The following MYO5B variants were observed in gnomAD, a reference collection of about 807,000 sequenced individuals.
The protein encoded by MYO5B is myosin VB, also known as unconventional myosin-Vb.
Under a neutral mutation model 229.3 loss-of-function variants are expected in MYO5B, and 143 were observed. The observed-to-expected ratio is 0.62, with a 90% CI of 0.54 to 0.72. MYO5B has a LOEUF of 0.72. Among genes scored for constraint, MYO5B ranks in the 30% least tolerant of loss-of-function variants. The pLI is 0.00. For synonymous variants in MYO5B, 918 were observed against 885.2 expected, an observed-to-expected ratio of 1.04 and a Z score of -0.66; for missense variants, 2,321 against 2,331.0, an observed-to-expected ratio of 1.00 and a Z score of 0.09.
At chr18:50,022,322 G>C (rs527390106) in intron 4 of MYO5B, among the ~76,000 whole-genome samples, 1 of 152,244 alleles carries the variant, frequency 6.6e-6, no homozygotes, top group South Asian at 2.1e-4. Context: ...TGTTCTAATG[G>C]CAATTAAATA....
At chr18:50,070,419 T>C (rs1360938480) in intron 1 of MYO5B, among the ~76,000 whole-genome samples, 1 of 152,004 alleles carries the variant, frequency 6.6e-6, no homozygotes, top group Non-Finnish European at 1.5e-5. Context: ...TCATCTGGGG[T>C]GGGGGACAAA....
At chr18:49,992,688 C>A (rs1320771606) in intron 5 of MYO5B, among the ~76,000 whole-genome samples, 1 of 152,186 alleles carries the variant, frequency 6.6e-6, no homozygotes, top group African/African-American at 2.4e-5. Context: ...TACCCAGGTG[C>A]AATGGAAGGT....
chr18:49,954,475 G>A (rs574287791), intron 12 of MYO5B, 40 bp from the exon 13 acceptor site: 5 of 1,613,146 alleles, frequency 3.1e-6, no homozygotes, highest in Admixed American at 3.3e-5. Context: ...TTTGTGAAGA[G>A]GAAGAAGGAA....
chr18:49,863,957 CCAGGG>C (rs2024362827), intron 28 of MYO5B, among the ~76,000 whole-genome samples, 179 bp downstream of exon 28: 1 of 152,168 alleles, frequency 6.6e-6, no homozygotes, highest in African/African-American at 2.4e-5. Flanking sequence ...GCTGCATCCC[CCAGGG>C]AAGGTCATGC....
chr18:50,155,876 T>G (rs2032670754), intron 1 of MYO5B, among the ~76,000 whole-genome samples: 1 of 152,184 alleles, frequency 6.6e-6, no homozygotes, highest in Non-Finnish European at 1.5e-5. Context: ...CAACATAAGT[T>G]TGGTTTTCAA....
chr18:50,152,864 TAAAA>T (rs67858852), intron 1 of MYO5B, among the ~76,000 whole-genome samples: 65 of 125,430 alleles, frequency 5.2e-4, no homozygotes, highest in Non-Finnish European at 8.1e-4. Context: ...TTCTCAAAAC[TAAAA>T]AAAAAAAAAA....
intron 39 of MYO5B, among the ~76,000 whole-genome samples, chr18:49,831,905 T>C (rs1367383603): frequency 2.0e-5 from 3 of 152,168 alleles, no homozygotes; most frequent in Non-Finnish European, 4.4e-5. Context: ...GGAATATTAG[T>C]CACTAAAAAA....
At chr18:49,881,579 G>T (rs1050727189) in intron 22 of MYO5B, among the ~76,000 whole-genome samples, 36 of 152,156 alleles carry the variant, frequency 2.4e-4, no homozygotes, top group South Asian at 4.2e-4. Flanking sequence ...GAGGCAGGCA[G>T]ATCATGAGGT....
At chr18:49,930,463 A>T (rs2025177247) in intron 16 of MYO5B, among the ~76,000 whole-genome samples, 1 of 152,232 alleles carries the variant, frequency 6.6e-6, no homozygotes, top group Non-Finnish European at 1.5e-5. Context: ...ATAAAAAGCC[A>T]GATGCTGTGT....
chr18:49,914,843 CT>C (rs1223274625), intron 17 of MYO5B, among the ~76,000 whole-genome samples: 2 of 151,462 alleles, frequency 1.3e-5, no homozygotes, highest in East Asian at 3.9e-4. Flanking sequence ...TCACATACAG[CT>C]TTGGATTCAG....
Position 49,863,304 on chromosome 18 carries a change from T to G in MYO5B, c.3867A>C (p.Ser1289=). ...RNAEPNINAR[S]SWPNSEKHVD... ...CATGCTTTTCACTGTTAGGCCAACT[T>G]GATCTGGCATTAATGTTCGGCTCCT... The change falls in exon 29 of 40, where the codon TCA becomes TCC. Residue 1289 remains serine, a synonymous_variant. Transcript: ENST00000285039. The G allele has an allele frequency of 6.2e-7, 1 of 1,613,818 alleles. No individual in the cohort carries two copies.
chr18:49,834,645 CT>C (rs573183100), intron 39 of MYO5B, among the ~76,000 whole-genome samples: 13 of 149,524 alleles, frequency 8.7e-5, no homozygotes, highest in African/African-American at 2.2e-4. Flanking sequence ...CAAATATTGT[CT>C]TTTTTTTTTG....
Position 49,990,487 on chromosome 18 carries a change from G to C in MYO5B, c.790C>G (p.Gln264Glu), listed in dbSNP as rs1372326879. 1 of 1,613,910 alleles carries C rather than the reference G, an allele frequency of 6.2e-7. No individual in the cohort carries two copies. The highest frequency in any genetic ancestry group is 1.3e-5 in the African/African-American group (1 of 75,048). ...DDERNYHIFY[Q>E]LCAAAGLPEF... is the part of the protein sequence containing the mutation. ...GGAAGACCGGCAGCAGCACAGAGCT[G>C]GTAAAAGATGTGGTAATTCCTCTCA... The change falls in exon 7 of 40, where the codon CAG becomes GAG. Residue 264 changes from glutamine (Q) to glutamate (E), a missense_variant. This residue lies in a region of MYO5B where 2,113 missense variants were observed against 2,044.7 expected (regional missense o/e 1.03). Coordinates refer to ENST00000285039, the MANE Select transcript of MYO5B (RefSeq NM_001080467.3).
chr18:49,999,445 T>C (rs111629311), intron 5 of MYO5B, among the ~76,000 whole-genome samples: 12 of 152,372 alleles, frequency 7.9e-5, no homozygotes, highest in African/African-American at 2.4e-4. Flanking sequence ...GGAGTAAATA[T>C]GCTACCAATG....
intron 27 of MYO5B, among the ~76,000 whole-genome samples, chr18:49,870,134 T>C (rs1440880318): frequency 6.6e-6 from 1 of 152,188 alleles, no homozygotes; most frequent in Non-Finnish European, 1.5e-5. Context: ...AAAGTAAGTC[T>C]AATCAATAAC....
chr18:50,060,315 T>A (rs938335146), intron 1 of MYO5B, among the ~76,000 whole-genome samples: 1 of 152,202 alleles, frequency 6.6e-6, no homozygotes, highest in Non-Finnish European at 1.5e-5. Context: ...AGGCCATTAT[T>A]TTATGAGCCA....
At chr18:50,040,341 A>T (rs1208435932) in intron 2 of MYO5B, 27 bp from the exon 3 acceptor site, 1 of 1,610,164 alleles carries the variant, frequency 6.2e-7, no homozygotes, top group East Asian at 2.2e-5. Flanking sequence ...AGCAGACACA[A>T]AAAGGTGGTT....
At chr18:50,010,727 T>A (rs2026152609) in intron 4 of MYO5B, among the ~76,000 whole-genome samples, 1 of 152,236 alleles carries the variant, frequency 6.6e-6, no homozygotes, top group Non-Finnish European at 1.5e-5. Context: ...TGTCATTAGC[T>A]AGGGGTGAAC....
chr18:50,097,031 GCATT>G (rs763902446), intron 1 of MYO5B, among the ~76,000 whole-genome samples: 135 of 152,234 alleles, frequency 8.9e-4, no homozygotes, highest in Admixed American at 4.3e-3. Context: ...ACTGCAGCAT[GCATT>G]GTCAGTCCAG....
Sources: allele counts gnomAD v4.1 joint callset (sites outside exome capture counted in the v4.1 genomes callset), GRCh38; gene constraint gnomAD v4.1.1; regional missense constraint gnomAD v4.1.1; transcripts MANE v1.5; gene names NCBI Gene and HGNC (gene_info 2026-07-23, HGNC 2026-07-21).